Variants in JMJD4 observed in about 807,000 individuals in gnomAD.
JMJD4 encodes jumonji domain containing 4, also known as 2-oxoglutarate and iron-dependent oxygenase JMJD4.
A neutral mutation model predicts 36.3 loss-of-function variants in JMJD4; 34 were observed. That is an observed-to-expected ratio of 0.94 (90% CI 0.71 to 1.25). The LOEUF is 1.25. Among genes scored for constraint, JMJD4 ranks in the 50% most tolerant of loss-of-function variants. The probability of loss-of-function intolerance (pLI) is 0.00; values close to 1 mark genes in which losing one functional copy is unlikely to be tolerated. For missense variants in JMJD4, 584 were observed against 559.1 expected (o/e 1.04, Z -0.45); for synonymous variants, 269 against 235.3 (o/e 1.14, Z -1.31).
At chr1:227,734,450 G>A in intron 2 of JMJD4, 1 of 449,512 alleles carries the variant, frequency 2.2e-6, no homozygotes, top group Non-Finnish European at 3.9e-6. Flanking sequence ...AAAAAAAAAG[G>A]AAAAAAAACC....
Position 227,732,221 on chromosome 1 carries a change from A to T in JMJD4, c.*171T>A, listed in dbSNP as rs1449960223. 2 of 725,914 alleles carry T rather than the reference A, an allele frequency of 2.8e-6. No homozygotes were observed. The highest frequency in any genetic ancestry group is 5.4e-5 in the Admixed American group (2 of 37,148). 45.0% of individuals were successfully genotyped at this position (725,914 alleles called of 1,614,324 possible). ...CATCCCATCTTGGGTCCCTGACCTC[A>T]TTGGGCCTCACCTGAAAACAGGCAC... On this transcript the variant is annotated 3_prime_UTR_variant, in exon 6 of 6. Coordinates refer to ENST00000620518, the MANE Select transcript of JMJD4 (RefSeq NM_023007.3).
In JMJD4 at chr1:227,733,598, G is replaced by C; in HGVS notation, c.638C>G (p.Pro213Arg). 6.2e-7 allele frequency: 1 copy of C among 1,606,004 alleles called. No homozygotes were observed. Among genetic ancestry groups the C allele is most frequent in the Non-Finnish European group, 8.5e-7 (1 of 1,178,610 alleles). Reference protein sequence around the residue: ...CGRKKWLLFPPGQEEALRDRH... With the variant: ...CGRKKWLLFPRGQEEALRDRH... The stretch of plus-strand genomic sequence containing the variant: ...GTCCCGCAGGGCCTCTTCCTGCCCT[G>C]GGGGGAAGAGGAGCCACTTCTTCCT... Residue 213 changes from proline to arginine, a missense_variant, in exon 4 of 6, where the codon CCA becomes CGA. Transcript: ENST00000620518.
At chr1:227,733,256 C>G in intron 4 of JMJD4, 158 bp downstream of exon 4, 2 of 919,858 alleles carry the variant, frequency 2.2e-6, no homozygotes, top group Non-Finnish European at 1.6e-6. Context: ...GTGGGTGAAA[C>G]AGAGGCTAGG....
Position 227,735,268 on chromosome 1 carries a change from G to A in JMJD4, c.6C>T (p.Asp2=). M[D]RETRALADSH... is the part of the protein sequence containing the mutation. ...TGTCGGCGAGGGCGCGCGTCTCGCG[G>A]TCCATCCAGCTCAGCACGGGTCGAA... The change falls in exon 1 of 6, where the codon GAC becomes GAT. Residue 2 remains aspartate (D), a synonymous_variant. Transcript: ENST00000620518. The A allele has an allele frequency of 1.2e-6, 2 of 1,606,030 alleles. No individual in the cohort carries two copies. The highest frequency in any genetic ancestry group is 1.7e-6 in the Non-Finnish European group (2 of 1,177,226).
chr1:227,735,028 G>A lies in JMJD4; in HGVS notation c.246C>T (p.His82=). ...CCGCCCCACCGTAGGTCCGTAGCAG[G>A]TGGTCGAAGTCGGGCCTCCCCGCGG... ...VTPAGRPDFD[H]LLRTYGDVVV... is the part of the protein sequence containing the mutation. The change falls in exon 1 of 6, where the codon CAC becomes CAT. Residue 82 remains histidine, a synonymous_variant. Transcript: ENST00000620518. The A allele has an allele frequency of 6.4e-7, 1 of 1,552,276 alleles. No homozygotes were observed. Among genetic ancestry groups the A allele is most frequent in the Non-Finnish European group, 8.7e-7 (1 of 1,150,378 alleles).
In JMJD4 at chr1:227,735,127, C is replaced by T. The variant is rs1163740401; in HGVS notation, c.147G>A (p.Leu49=). 6.3e-7 allele frequency: 1 copy of T among 1,579,082 alleles called. No individual in the cohort carries two copies. The highest frequency in any genetic ancestry group is 8.6e-7 in the Non-Finnish European group (1 of 1,163,554). The change falls in exon 1 of 6, where the codon TTG becomes TTA. Residue 49 remains leucine (L), a synonymous_variant. Transcript: ENST00000620518. ...AAAACACGCAGGGCAGGTTGGGCAG[C>T]AAGAAGCCCCGCACAAAGTCGGCGT... is the stretch of plus-strand genomic sequence containing the variant. ...FSYADFVRGF[L]LPNLPCVFSS... is the part of the protein sequence containing the mutation.
Position 227,732,271 on chromosome 1 carries a change from G to A in JMJD4, c.*121C>T. The A allele has an allele frequency of 8.3e-7, 1 of 1,206,682 alleles. No individual in the cohort carries two copies. Among genetic ancestry groups the A allele is most frequent in the Admixed American group, 2.0e-5 (1 of 50,668 alleles). 74.7% of individuals were successfully genotyped at this position (1,206,682 alleles called of 1,614,324 possible). A position where few individuals can be genotyped will look rare whatever the true frequency, so the allele number is the denominator to read the frequency against. On this transcript the variant is annotated 3_prime_UTR_variant, in exon 6 of 6. Transcript: ENST00000620518. ...CCCAGGCAGTGGCCATGAACAGCCA[G>A]GCCACAAGCCTCGACAGGGGTGGGC...
chr1:227,734,587 A>G, intron 2 of JMJD4, 64 bp downstream of exon 2: 2 of 1,531,582 alleles, frequency 1.3e-6, no homozygotes, highest in South Asian at 2.3e-5. Flanking sequence ...CTTCATCAGA[A>G]AGGCCTCTGG....
At position 227,733,920 on chromosome 1, in the gene JMJD4, G is replaced by T. The variant is rs765666881; in HGVS notation, c.541C>A (p.Pro181Thr). Residue 181 changes from proline (P) to threonine (T), a missense_variant, in exon 3 of 6, where the codon CCT becomes ACT. By Grantham distance (38) the Pro-to-Thr change is conservative (BLOSUM62 -1). Transcript: ENST00000620518. ...CCGTGGCCTCACCAGCTGCCCGCAGGCCCCGCGTAGACAAAGCGGTAGTCA... is the reference window on the plus strand; with the variant it reads ...CCGTGGCCTCACCAGCTGCCCGCAGTCCCCGCGTAGACAAAGCGGTAGTCA... ...VDDYRFVYAG[P>T]AGSWSPFHAD... The T allele has an allele frequency of 2.5e-6, 4 of 1,613,692 alleles. No individual in the cohort carries two copies. Among genetic ancestry groups the T allele is most frequent in the South Asian group, 2.2e-5 (2 of 91,074 alleles).
At chr1:227,734,208 G>A (rs1660894883) in intron 2 of JMJD4, 176 bp from the exon 3 acceptor site, 1 of 681,270 alleles carries the variant, frequency 1.5e-6, no homozygotes. Context: ...GAGGGGGCGG[G>A]GCAGTCTGAC....
Position 227,735,209 on chromosome 1 carries a change from C to A in JMJD4, c.65G>T (p.Gly22Val), listed in dbSNP as rs763077158. Residue 22 changes from glycine to valine, a missense_variant, in exon 1 of 6, where the codon GGC (glycine) becomes GTC (valine). Physicochemically the swap from Gly to Val is moderately radical, Grantham distance 109. Transcript: ENST00000620518. ...TACCCGGCCCGGAGCCTGGCCGACG[C>A]CGGGGACATCGACCCCCAGGCCTCG... ...HFRGLGVDVPGVGQAPGRVAF... is the reference protein window; with the variant it reads ...HFRGLGVDVPVVGQAPGRVAF... The A allele has an allele frequency of 1.9e-6, 3 of 1,585,596 alleles. No homozygotes were observed. Among genetic ancestry groups the A allele is most frequent in the East Asian group, 2.3e-5 (1 of 43,030 alleles).
At position 227,733,413 on chromosome 1, in the gene JMJD4, C is replaced by G; in HGVS notation, c.822+1G>C. 1 of 1,573,010 alleles carries G rather than the reference C, an allele frequency of 6.4e-7. No individual in the cohort carries two copies. Among genetic ancestry groups the G allele is most frequent in the Non-Finnish European group, 8.6e-7 (1 of 1,160,290 alleles). On this transcript the variant is annotated splice_donor_variant, in intron 4 of 5. Coordinates refer to ENST00000620518, the MANE Select transcript of JMJD4 (RefSeq NM_023007.3). LOFTEE classifies it high-confidence loss of function. ...AGGGGGCAGGAGAAGCAGCACATTA[C>G]CAGGTTGTGCACCTGGTGGTGCCAG... is the stretch of plus-strand genomic sequence containing the variant.
In JMJD4 at chr1:227,731,870, A is replaced by ATCT; in HGVS notation, c.*521_*522insAGA. Reference sequence around the variant, plus strand: ...ACCCAGCCCTCCACTCTGGGTACCCAGAGGAAGGCGCAGGCCGCTGGTTCC... The same window carrying ATCT: ...ACCCAGCCCTCCACTCTGGGTACCCATCTGAGGAAGGCGCAGGCCGCTGGTTCC... On this transcript the variant is annotated 3_prime_UTR_variant, in exon 6 of 6. Transcript: ENST00000620518. 1 of 156,534 alleles carries ATCT rather than the reference A, an allele frequency of 6.4e-6. No homozygotes were observed. The highest frequency in any genetic ancestry group is 1.4e-5 in the Non-Finnish European group (1 of 70,438). 9.7% of individuals were successfully genotyped at this position (156,534 alleles called of 1,614,324 possible). A position where few individuals can be genotyped will look rare whatever the true frequency, so the allele number is the denominator to read the frequency against.
rs1365983730 is a variant in JMJD4 at position 227,735,129 on chromosome 1, A to T, written c.145T>A (p.Leu49Met). 10 of 1,579,822 alleles carry T rather than the reference A, an allele frequency of 6.3e-6. No homozygotes were observed. Among genetic ancestry groups the T allele is most frequent in the Non-Finnish European group, 8.6e-6 (10 of 1,163,992 alleles). ...FSYADFVRGF[L>M]LPNLPCVFSS... is the part of the protein sequence containing the mutation. Reference sequence around the variant, plus strand: ...AACACGCAGGGCAGGTTGGGCAGCAAGAAGCCCCGCACAAAGTCGGCGTAG... The same window carrying T: ...AACACGCAGGGCAGGTTGGGCAGCATGAAGCCCCGCACAAAGTCGGCGTAG... The change falls in exon 1 of 6, where the codon TTG becomes ATG. Residue 49 changes from leucine (L) to methionine (M), a missense_variant. Coordinates refer to ENST00000620518, the MANE Select transcript of JMJD4 (RefSeq NM_023007.3).
rs780570913 is a variant in JMJD4 at position 227,731,790 on chromosome 1, C to G, written c.*602G>C. On this transcript the variant is annotated 3_prime_UTR_variant, in exon 6 of 6. Transcript: ENST00000620518. Reference sequence around the variant, plus strand: ...GATGGGATTCCACCCCATCTGTGGCCTCTCCAGCTGTCCACAGGCCCTGCA... The same window carrying G: ...GATGGGATTCCACCCCATCTGTGGCGTCTCCAGCTGTCCACAGGCCCTGCA... The G allele has an allele frequency of 6.4e-6, 1 of 157,058 alleles. No individual in the cohort carries two copies. 9.7% of individuals were successfully genotyped at this position (157,058 alleles called of 1,614,324 possible). A position where few individuals can be genotyped will look rare whatever the true frequency, so the allele number is the denominator to read the frequency against.
In JMJD4 at chr1:227,732,632, G is replaced by GT; in HGVS notation, c.1013dup (p.Tyr338Ter). The change falls in exon 6 of 6, where the codon TAC becomes TAAC. Residue 338 changes from tyrosine to a stop codon, truncating the protein, a stop_gained and frameshift_variant. Coordinates refer to ENST00000620518, the MANE Select transcript of JMJD4 (RefSeq NM_023007.3). LOFTEE classifies it low-confidence loss of function (END_TRUNC). ...TCTCAGCGATGACCTTGAGGAAGTG[G>GT]TAAAACTCTTCAAAGTTGATGCCCG... is the stretch of plus-strand genomic sequence containing the variant. ...SCSGINFEEF[Y>*]HFLKVIAEKR... The GT allele has an allele frequency of 6.2e-7, 1 of 1,613,474 alleles. No individual in the cohort carries two copies. The highest frequency in any genetic ancestry group is 8.5e-7 in the Non-Finnish European group (1 of 1,180,008).
rs758409363 is a variant in JMJD4 at position 227,733,497 on chromosome 1, C to T, written c.739G>A (p.Ala247Thr). The T allele has an allele frequency of 4.4e-6, 7 of 1,594,170 alleles. No homozygotes were observed. In the Admixed American group the frequency reaches 1.2e-4, roughly 28 times the overall value. ...TGCGTGATCTCCAAGGGTGGGCCAG[C>T]AAGCTGGTTCCGTGGGTGCAGGTGT... Reference protein sequence around the residue: ...DTHLHPRNQLAGPPLEITQEA... With the variant: ...DTHLHPRNQLTGPPLEITQEA... The change falls in exon 4 of 6, where the codon GCT becomes ACT. Residue 247 changes from alanine to threonine, a missense_variant. Ala to Thr is a moderately conservative substitution (Grantham distance 58, BLOSUM62 0). Coordinates refer to ENST00000620518, the MANE Select transcript of JMJD4 (RefSeq NM_023007.3).
At chr1:227,733,264 A>G in intron 4 of JMJD4, 150 bp downstream of exon 4, 1 of 917,312 alleles carries the variant, frequency 1.1e-6, no homozygotes, top group Non-Finnish European at 1.6e-6. Flanking sequence ...AACAGAGGCT[A>G]GGCCTCAGCG....
intron 4 of JMJD4, 173 bp downstream of exon 4, chr1:227,733,241 C>T (rs1297739406): frequency 6.9e-6 from 6 of 864,566 alleles, no homozygotes; most frequent in East Asian, 5.3e-5. Flanking sequence ...ACCCAGGGAC[C>T]GGCAGTGGGT....
Sources: gnomAD v4.1 joint callset for allele counts on GRCh38, gnomAD v4.1.1 for gene constraint, MANE v1.5 for transcripts, NCBI Gene and HGNC (gene_info 2026-07-23, HGNC 2026-07-21) for gene names.